Variants in RIT2 observed in about 807,000 individuals in gnomAD.
RIT2 encodes the protein Ras like without CAAX 2, also known as GTP-binding protein Rit2.
RIT2 carries 24 observed loss-of-function variants against 23.7 expected under a neutral mutation model. That is an observed-to-expected ratio of 1.01 (90% confidence interval 0.73 to 1.43). RIT2 has a LOEUF of 1.43. RIT2 is among the 40% of genes most tolerant of loss of function. The pLI is 0.00. For synonymous variants in RIT2, 107 were observed against 91.1 expected, an observed-to-expected ratio of 1.17 and a Z score of -0.99; for missense variants, 236 against 266.9, an observed-to-expected ratio of 0.88 and a Z score of 0.81.
chr18:43,028,083 T>C (rs760523771), intron 2 of RIT2, among the ~76,000 whole-genome samples: 1 of 152,092 alleles, frequency 6.6e-6, no homozygotes, highest in Non-Finnish European at 1.5e-5. Context: ...AACAAAAAAT[T>C]AATATAACTT....
intron 2 of RIT2, among the ~76,000 whole-genome samples, chr18:42,998,997 A>G (rs2144239120): frequency 6.6e-6 from 1 of 152,216 alleles, no homozygotes; most frequent in South Asian, 2.1e-4. Flanking sequence ...GTTAACTCTT[A>G]ATTTTTATCA....
chr18:42,977,938 T>C (rs1191473461), intron 2 of RIT2, among the ~76,000 whole-genome samples: 1 of 151,284 alleles, frequency 6.6e-6, no homozygotes, highest in Non-Finnish European at 1.5e-5. Context: ...GATATTCCTC[T>C]CCCAAAAGAG....
intron 2 of RIT2, among the ~76,000 whole-genome samples, chr18:42,989,776 T>C (rs1048372322): frequency 9.9e-5 from 15 of 152,272 alleles, no homozygotes; most frequent in African/African-American, 3.4e-4. Flanking sequence ...CAGCTCTTCG[T>C]GGCCTTTTTG....
Position 42,783,050 on chromosome 18 carries a change from C to T in RIT2, c.427-39330G>A, listed in dbSNP as rs576557355. 1.2e-3 allele frequency among the ~76,000 whole-genome samples: 178 copies of T among 152,226 alleles called. 1 individual carries two copies. The highest frequency in any genetic ancestry group is 4.1e-3 in the African/African-American group (172 of 41,552). ...TATTCCAGGAGCTCAATTTGTACTA[C>T]AAAGTCGATAGATGCTGCGTTTAAA... On this transcript the variant is annotated intron_variant, in intron 4 of 4. Coordinates refer to ENST00000326695, the MANE Select transcript of RIT2 (RefSeq NM_002930.4).
intron 2 of RIT2, among the ~76,000 whole-genome samples, chr18:43,017,117 G>T (rs76784746): frequency 6.6e-6 from 1 of 151,782 alleles, no homozygotes; most frequent in African/African-American, 2.4e-5. Context: ...AGTACTGAGC[G>T]GTATGTTACA....
intron 2 of RIT2, among the ~76,000 whole-genome samples, chr18:43,023,344 A>T (rs1911639629): frequency 2.0e-5 from 3 of 152,084 alleles, no homozygotes; most frequent in South Asian, 2.1e-4. Context: ...AATTGACATT[A>T]TGGTTGCCTT....
chr18:42,984,890 C>T lies in RIT2; in HGVS notation c.161-10743G>A, dbSNP rs1035408608. Among the ~76,000 whole-genome samples, 5 of 151,864 alleles carry T rather than the reference C, an allele frequency of 3.3e-5. No individual in the cohort carries two copies. The East Asian group carries it at 9.7e-4, about 29-fold the overall frequency. ...GGTACAAGATAAGAATACTCAGTAT[C>T]AACAGTTTTATTCACCTCATGCTTG... On this transcript the variant is annotated intron_variant, in intron 2 of 4. Transcript: ENST00000326695.
chr18:42,939,617 T>C (rs937366518), intron 3 of RIT2, among the ~76,000 whole-genome samples: 12 of 152,188 alleles, frequency 7.9e-5, no homozygotes, highest in African/African-American at 2.9e-4. Context: ...AATACCTATT[T>C]CAAGTTTTAA....
chr18:43,037,590 C>T (rs1331809238), intron 1 of RIT2, among the ~76,000 whole-genome samples: 2 of 151,926 alleles, frequency 1.3e-5, no homozygotes, highest in Non-Finnish European at 2.9e-5. Flanking sequence ...TTGTTTTAGT[C>T]TAAGGTTTAA....
intron 4 of RIT2, among the ~76,000 whole-genome samples, chr18:42,837,858 G>A (rs560965660): frequency 5.9e-5 from 9 of 152,050 alleles, no homozygotes; most frequent in Admixed American, 2.6e-4. Context: ...GAACACTCTC[G>A]GTTTCTGTCT....
intron 1 of RIT2, among the ~76,000 whole-genome samples, chr18:43,055,879 G>A (rs1033379088): frequency 6.6e-6 from 1 of 152,060 alleles, no homozygotes; most frequent in Non-Finnish European, 1.5e-5. Context: ...AGCTAAATGA[G>A]CCAGGAAAGA....
intron 4 of RIT2, among the ~76,000 whole-genome samples, chr18:42,791,530 C>G (rs932515669): frequency 1.3e-5 from 2 of 152,208 alleles, no homozygotes; most frequent in Non-Finnish European, 2.9e-5. Flanking sequence ...TAGTGTCCCG[C>G]TGACCTGTTT....
At chr18:42,778,862 G>A (rs762815941) in intron 4 of RIT2, among the ~76,000 whole-genome samples, 40 of 152,132 alleles carry the variant, frequency 2.6e-4, no homozygotes, top group Admixed American at 2.0e-4. Flanking sequence ...CAAAAAAAGA[G>A]GCAATCCATT....
intron 1 of RIT2, among the ~76,000 whole-genome samples, chr18:43,083,930 C>A (rs902847618): frequency 2.6e-5 from 4 of 152,108 alleles, no homozygotes; most frequent in Non-Finnish European, 5.9e-5. Flanking sequence ...AAGAAACTAT[C>A]ATCAGAGTGA....
chr18:42,786,826 G>A (rs1056425042), intron 4 of RIT2, among the ~76,000 whole-genome samples: 6 of 152,000 alleles, frequency 3.9e-5, no homozygotes, highest in African/African-American at 1.4e-4. Context: ...TTCAGATCCA[G>A]TCTTTTTGCT....
chr18:42,799,822 A>T (rs1157898779), intron 4 of RIT2, among the ~76,000 whole-genome samples: 2 of 152,162 alleles, frequency 1.3e-5, no homozygotes, highest in Non-Finnish European at 2.9e-5. Flanking sequence ...TTTTCTTTTG[A>T]CAATCAGGTC....
intron 4 of RIT2, among the ~76,000 whole-genome samples, chr18:42,878,565 C>CTGTGTGTGTGTGTGTG (rs71371607): frequency 1.4e-5 from 2 of 147,496 alleles, no homozygotes; most frequent in African/African-American, 2.5e-5. Flanking sequence ...AGATTCAACT[C>CTGTGTGTGTGTGTGTG]TGTGTGTGTG....
At chr18:42,848,056 T>G (rs899998942) in intron 4 of RIT2, among the ~76,000 whole-genome samples, 13 of 151,952 alleles carry the variant, frequency 8.6e-5, no homozygotes, top group Middle Eastern at 3.4e-3. Context: ...AGTGTTCAGT[T>G]GTCAACTCGT....
intron 3 of RIT2, among the ~76,000 whole-genome samples, chr18:42,929,348 G>A (rs911372821): frequency 5.9e-5 from 9 of 151,980 alleles, no homozygotes; most frequent in Non-Finnish European, 1.0e-4. Context: ...ACCTGTAATT[G>A]TGGTTTTCAA....
Sources: allele counts gnomAD v4.1 joint callset (sites outside exome capture counted in the v4.1 genomes callset), GRCh38; gene constraint gnomAD v4.1.1; transcripts MANE v1.5; gene names NCBI Gene and HGNC (gene_info 2026-07-23, HGNC 2026-07-21).